KCNG2: variants seen among roughly 807,000 people sequenced by gnomAD.
KCNG2 encodes potassium voltage-gated channel modifier subfamily G member 2.
In KCNG2, 7 loss-of-function variants were observed where a neutral mutation model predicts 12.3. The ratio of observed to expected loss-of-function variants is 0.57; its 90% CI spans 0.32 to 1.07. KCNG2 has a LOEUF of 1.07. KCNG2 is among the 50% of genes least tolerant of loss of function. The pLI, the probability that KCNG2 is intolerant of heterozygous loss-of-function variation, is 0.04. For missense variants in KCNG2, 703 were observed against 726.0 expected (o/e 0.97, Z 0.36); for synonymous variants, 414 against 351.4 (o/e 1.18, Z -1.99).
chr18:79,817,388 C>T (rs964444402), intron 1 of KCNG2, among the ~76,000 whole-genome samples: 1 of 152,220 alleles, frequency 6.6e-6, no homozygotes, highest in Non-Finnish European at 1.5e-5. Context: ...CTGGCTGTCA[C>T]ACATGGTTGT....
rs2087427796 is a variant in KCNG2 at position 79,803,627 on chromosome 18, TCAC to T, written c.-115+5617_-115+5619del. On this transcript the variant is annotated intron_variant, in intron 1 of 3. Transcript: ENST00000316249. The surrounding 1 kb of genome is among the most constrained non-coding windows in gnomAD (Gnocchi z 4.5). ...GAACCTGCAGGGCTGGCCGTGATTC[TCAC>T]CACTTGTGGTCCAAGGCTTCTGCTG... Among the ~76,000 whole-genome samples, 1 of 152,218 alleles carries T rather than the reference TCAC, an allele frequency of 6.6e-6. No homozygotes were observed. Among genetic ancestry groups the T allele is most frequent in the Non-Finnish European group, 1.5e-5 (1 of 68,036 alleles).
At chr18:79,866,655 G>A (rs1260081680) in intron 3 of KCNG2, among the ~76,000 whole-genome samples, 1 of 116,508 alleles carries the variant, frequency 8.6e-6, no homozygotes, top group Non-Finnish European at 1.8e-5. Flanking sequence ...GAGAGGTCTG[G>A]GTGCTGAGGT....
At chr18:79,867,319 T>C (rs569846337) in intron 3 of KCNG2, among the ~76,000 whole-genome samples, 20 of 151,568 alleles carry the variant, frequency 1.3e-4, no homozygotes, top group Non-Finnish European at 2.4e-4. Flanking sequence ...TGTGTGTCCT[T>C]GTGGGTCAAC....
At chr18:79,819,239 C>A (rs1324805561) in intron 1 of KCNG2, among the ~76,000 whole-genome samples, 1 of 152,222 alleles carries the variant, frequency 6.6e-6, no homozygotes, top group Non-Finnish European at 1.5e-5. Flanking sequence ...AGACACCAGG[C>A]AGGCCCTACC....
At chr18:79,875,927 C>T (rs1980051587) in intron 3 of KCNG2, 2 of 152,410 alleles carry the variant, frequency 1.3e-5, no homozygotes, top group African/African-American at 4.8e-5. Context: ...ATCAAAATTC[C>T]TGTTGAGCCA....
In KCNG2 at chr18:79,867,571, C is replaced by T. The variant is rs1367462101; in HGVS notation, c.624+3280C>T. On this transcript the variant is annotated intron_variant, in intron 3 of 3. Transcript: ENST00000316249. Reference sequence around the variant, plus strand: ...GTCGTGTGTCGTGTCTGGGAGGGACCGTGAGCTCAGTGTGTGTCGTGTCTG... The same window carrying T: ...GTCGTGTGTCGTGTCTGGGAGGGACTGTGAGCTCAGTGTGTGTCGTGTCTG... Among the ~76,000 whole-genome samples, 173 of 84,186 alleles carry T rather than the reference C, an allele frequency of 2.1e-3. 4 individuals carry two copies. The highest frequency in any genetic ancestry group is 7.9e-4 in the South Asian group (2 of 2,526). The allele number at this position is 84,186 out of a possible 152,430, so 55.2% of individuals were successfully genotyped here.
rs1447570587 is a variant in KCNG2 at position 79,803,433 on chromosome 18, A to G, written c.-115+5419A>G. Among the ~76,000 whole-genome samples, 1 of 152,248 alleles carries G rather than the reference A, an allele frequency of 6.6e-6. No homozygotes were observed. Among genetic ancestry groups the G allele is most frequent in the Admixed American group, 6.5e-5 (1 of 15,286 alleles). On this transcript the variant is annotated intron_variant, in intron 1 of 3. Coordinates refer to ENST00000316249, the MANE Select transcript of KCNG2 (RefSeq NM_012283.2). The surrounding 1 kb of genome is among the most constrained non-coding windows in gnomAD (Gnocchi z 4.5). Reference sequence around the variant, plus strand: ...TCTGCCAAAAGAAAAGACATCTTCTAGAAGAGGGAAGATAGGAAATATGTA... The same window carrying G: ...TCTGCCAAAAGAAAAGACATCTTCTGGAAGAGGGAAGATAGGAAATATGTA...
In KCNG2 at chr18:79,898,632, C is replaced by G. The variant is rs189935750; in HGVS notation, c.625-408C>G. Among the ~76,000 whole-genome samples, 584 of 152,360 alleles carry G rather than the reference C, an allele frequency of 3.8e-3. 3 individuals are homozygous for G. The highest frequency in any genetic ancestry group is 5.7e-3 in the Non-Finnish European group (385 of 68,038). On this transcript the variant is annotated intron_variant, in intron 3 of 3. Transcript: ENST00000316249. ...CAGCCATTCCACGTGGCGTCTCCCCCTGGCCAAGCTGAGAAGGAGGATGCA... is the reference window on the plus strand; with the variant it reads ...CAGCCATTCCACGTGGCGTCTCCCCGTGGCCAAGCTGAGAAGGAGGATGCA...
rs191617172 is a variant in KCNG2 at position 79,846,710 on chromosome 18, A to G, written c.-114-9669A>G. On this transcript the variant is annotated intron_variant, in intron 1 of 3. Coordinates refer to ENST00000316249, the MANE Select transcript of KCNG2 (RefSeq NM_012283.2). ...AATATTAGCCTGGAACTGAAGTTAG[A>G]TACATTGTATTTTAGACAGTTCTCA... Among the ~76,000 whole-genome samples, 9 of 152,360 alleles carry G rather than the reference A, an allele frequency of 5.9e-5. No individual in the cohort carries two copies. The East Asian group carries it at 1.7e-3, about 29-fold the overall frequency.
intron 3 of KCNG2, among the ~76,000 whole-genome samples, chr18:79,879,656 G>A (rs971956835): frequency 6.6e-5 from 10 of 152,164 alleles, no homozygotes; most frequent in African/African-American, 2.4e-4. Flanking sequence ...CAGAAGTCCC[G>A]CTCTGGCCTA....
intron 3 of KCNG2, among the ~76,000 whole-genome samples, chr18:79,874,446 C>T (rs924129085): frequency 1.3e-5 from 2 of 152,244 alleles, no homozygotes; most frequent in Non-Finnish European, 2.9e-5. Flanking sequence ...CACACACTTA[C>T]TGCGCGTCAG....
In KCNG2 at chr18:79,899,981, C is replaced by T. The variant is rs1034390292; in HGVS notation, c.*165C>T. On this transcript the variant is annotated 3_prime_UTR_variant, in exon 4 of 4. Coordinates refer to ENST00000316249, the MANE Select transcript of KCNG2 (RefSeq NM_012283.2). The stretch of plus-strand genomic sequence containing the variant: ...AGCCCCAGAACTTGGCGGGGCCCTG[C>T]CTGACTCCCCGTGGCAGCGCTGGGC... 22 of 531,462 alleles carry T rather than the reference C, an allele frequency of 4.1e-5. 1 individual carries two copies. Among genetic ancestry groups the T allele is most frequent in the Middle Eastern group, 1.1e-3 (2 of 1,794 alleles). 32.9% of individuals were successfully genotyped at this position (531,462 alleles called of 1,614,324 possible). A position where few individuals can be genotyped will look rare whatever the true frequency, so the allele number is the denominator to read the frequency against.
intron 3 of KCNG2, among the ~76,000 whole-genome samples, chr18:79,866,714 C>G (rs1979581989): frequency 9.3e-6 from 1 of 108,092 alleles, no homozygotes; most frequent in Non-Finnish European, 1.9e-5. Context: ...GCTGAGAAGT[C>G]TGTGTGCTGA....
intron 3 of KCNG2, among the ~76,000 whole-genome samples, chr18:79,897,521 G>C (rs1354577996): frequency 1.3e-5 from 2 of 152,128 alleles, no homozygotes; most frequent in Non-Finnish European, 2.9e-5. Flanking sequence ...TGGCTGCTTT[G>C]AAATCTCATT....
intron 3 of KCNG2, among the ~76,000 whole-genome samples, chr18:79,888,602 G>A (rs1387306854): frequency 2.0e-5 from 3 of 152,196 alleles, no homozygotes; most frequent in Admixed American, 1.3e-4. Context: ...TCTCATTCCC[G>A]TTTCCCTGAT....
chr18:79,823,278 TCCAGGGTTTTGCCATCTCCA>T, intron 1 of KCNG2, among the ~76,000 whole-genome samples: 1 of 152,206 alleles, frequency 6.6e-6, no homozygotes, highest in Non-Finnish European at 1.5e-5. Context: ...CTGGGCTGTT[TCCAGGGTTTTGCCATCTCCA>T]CCTGTGCTGC....
chr18:79,896,691 G>A (rs111664225), intron 3 of KCNG2, among the ~76,000 whole-genome samples: 77 of 152,136 alleles, frequency 5.1e-4, no homozygotes, highest in African/African-American at 1.7e-3. Context: ...TTTTTGTGTC[G>A]ATCCAGATTA....
intron 1 of KCNG2, among the ~76,000 whole-genome samples, chr18:79,811,119 T>G (rs1408835212): frequency 6.6e-6 from 1 of 152,198 alleles, no homozygotes; most frequent in Non-Finnish European, 1.5e-5. Context: ...TGTTCACGGA[T>G]AGGAAGACTT....
Position 79,822,839 on chromosome 18 carries a change from G to A in KCNG2, c.-115+24825G>A, listed in dbSNP as rs1183782668. 1.3e-5 allele frequency among the ~76,000 whole-genome samples: 2 copies of A among 152,214 alleles called. No individual in the cohort carries two copies. Among genetic ancestry groups the A allele is most frequent in the Non-Finnish European group, 2.9e-5 (2 of 68,040 alleles). On this transcript the variant is annotated intron_variant, in intron 1 of 3. Coordinates refer to ENST00000316249, the MANE Select transcript of KCNG2 (RefSeq NM_012283.2). The surrounding 1 kb of genome is among the most constrained non-coding windows in gnomAD (Gnocchi z 4.4). ...ACACATTTTCCACAATTACCTGGGA[G>A]AGCCCTTGTCTCCCCACGCTTCCGT...
Sources: allele counts gnomAD v4.1 joint callset (sites outside exome capture counted in the v4.1 genomes callset), GRCh38; gene constraint gnomAD v4.1.1; non-coding constraint Gnocchi (gnomAD v3.1); transcripts MANE v1.5; gene names NCBI Gene and HGNC (gene_info 2026-07-23, HGNC 2026-07-21).